Variants in TSC1 observed in about 807,000 individuals in gnomAD.
TSC1 encodes the protein TSC complex subunit 1.
A neutral mutation model predicts 124.3 loss-of-function variants in TSC1; 20 were observed. The observed-to-expected ratio is 0.16, with a 90% CI of 0.11 to 0.23. The LOEUF (loss-of-function observed/expected upper bound fraction) is 0.23. TSC1 is among the 10% of genes least tolerant of loss of function. The pLI, the probability that TSC1 is intolerant of heterozygous loss-of-function variation, is 1.00. For synonymous variants in TSC1, 493 were observed against 539.1 expected (o/e 0.91, Z 1.19); for missense variants, 1,124 against 1,448.5 (o/e 0.78, Z 3.64).
Position 132,923,535 on chromosome 9 carries a change from G to A in TSC1, c.364-43C>T, listed in dbSNP as rs1381423551. 1 of 1,613,540 alleles carries A rather than the reference G, an allele frequency of 6.2e-7. No homozygotes were observed. Among genetic ancestry groups the A allele is most frequent in the East Asian group, 2.2e-5 (1 of 44,890 alleles). ...AAACAGGAAACGTCTGTCAGGCACT[G>A]GCACCAGGATCGGCATTGTACAGTA... On this transcript the variant is annotated intron_variant, in intron 5 of 22. Coordinates refer to ENST00000298552, the MANE Select transcript of TSC1 (RefSeq NM_000368.5). This position sits in a 1 kb window ranked among gnomAD's most constrained non-coding sequence, Gnocchi z 4.2.
chr9:132,912,602 T>C, intron 8 of TSC1, 145 bp from the exon 9 acceptor site: 1 of 851,284 alleles, frequency 1.2e-6, no homozygotes, highest in Admixed American at 2.1e-5. Flanking sequence ...ACAATTCTAG[T>C]ACATAAAGAA....
At position 132,894,150 on chromosome 9, in the gene TSC1, A is replaced by G. The variant is rs781713466; in HGVS notation, c.*2085T>C. 4 of 233,456 alleles carry G rather than the reference A, an allele frequency of 1.7e-5. No homozygotes were observed. Among genetic ancestry groups the G allele is most frequent in the Admixed American group, 1.1e-4 (2 of 17,774 alleles). 14.5% of individuals were successfully genotyped at this position (233,456 alleles called of 1,614,324 possible). A position where few individuals can be genotyped will look rare whatever the true frequency, so the allele number is the denominator to read the frequency against. ...GGACCCTGTGCAGACACGTCCATGG[A>G]GCTTCTAGCACAGGCCTCTCTCCAT... On this transcript the variant is annotated 3_prime_UTR_variant, in exon 23 of 23. Transcript: ENST00000298552.
chr9:132,924,683 T>A (rs1279869505), intron 5 of TSC1: 1 of 152,216 alleles, frequency 6.6e-6, no homozygotes, highest in Non-Finnish European at 1.5e-5. Flanking sequence ...TTCTCACCAA[T>A]CCATTAATTA....
Position 132,921,290 on chromosome 9 carries a change from C to A in TSC1, c.737+73G>T, listed in dbSNP as rs1846536816. Reference sequence around the variant, plus strand: ...ATCTATATTCCCAAATATACCTCAACAGGGATTACCTCCTAGATCACATTT... The same window carrying A: ...ATCTATATTCCCAAATATACCTCAAAAGGGATTACCTCCTAGATCACATTT... On this transcript the variant is annotated intron_variant, in intron 8 of 22. Transcript: ENST00000298552. This position sits in a 1 kb window ranked among gnomAD's most constrained non-coding sequence, Gnocchi z 4.3. The A allele has an allele frequency of 2.0e-6, 3 of 1,496,528 alleles. No homozygotes were observed. The highest frequency in any genetic ancestry group is 2.8e-6 in the Non-Finnish European group (3 of 1,077,884). The allele number at this position is 1,496,528 out of a possible 1,614,324, so 92.7% of individuals were successfully genotyped here.
intron 8 of TSC1, among the ~76,000 whole-genome samples, chr9:132,919,675 A>G (rs1298262685): frequency 3.9e-5 from 6 of 152,214 alleles, no homozygotes; most frequent in African/African-American, 1.2e-4. Context: ...AAGACAAGAT[A>G]CAGGAAATGG....
intron 3 of TSC1, 135 bp downstream of exon 3, chr9:132,928,630 CAT>C (rs1847021447): frequency 9.3e-7 from 1 of 1,070,394 alleles, no homozygotes. Context: ...GTTTAAAACA[CAT>C]ATAGATACTC....
At chr9:132,900,423 C>G (rs1208936882) in intron 20 of TSC1, 4 of 423,126 alleles carry the variant, frequency 9.5e-6, no homozygotes, top group Non-Finnish European at 1.8e-5. Context: ...TTTTCTCTCT[C>G]CCTCTTTGAA....
intron 2 of TSC1, among the ~76,000 whole-genome samples, chr9:132,933,196 G>C (rs571944264): frequency 6.6e-6 from 1 of 152,186 alleles, no homozygotes; most frequent in Non-Finnish European, 1.5e-5. Context: ...CTCCCGAGTA[G>C]CTGAGATTAT....
chr9:132,935,204 GCCA>G (rs1325898388), intron 1 of TSC1, 109 bp from the exon 2 acceptor site: 21 of 396,274 alleles, frequency 5.3e-5, no homozygotes, highest in Admixed American at 2.2e-4. Context: ...CTGACAGGTG[GCCA>G]CCACGTTTCC....
chr9:132,945,005 C>A (rs575298337), upstream of TSC1, among the ~76,000 whole-genome samples: 705 of 152,164 alleles, frequency 4.6e-3, 6 homozygotes, highest in African/African-American at 0.016. Flanking sequence ...GCTGGCGGCG[C>A]CTGGGTGTGG....
Position 132,901,642 on chromosome 9 carries a change from C to A in TSC1, c.2449G>T (p.Ala817Ser), listed in dbSNP as rs1554814652. 2 of 1,614,120 alleles carry A rather than the reference C, an allele frequency of 1.2e-6. No individual in the cohort carries two copies. The highest frequency in any genetic ancestry group is 1.7e-6 in the Non-Finnish European group (2 of 1,180,040). ...TCAGTGTGACACACCTTGTTGTTGG[C>A]CTTCTTCAGTTCTATCCGCAGCTCC... ...IAELRIELKKANNKVCHTELL... is the reference protein window; with the variant it reads ...IAELRIELKKSNNKVCHTELL... The change falls in exon 19 of 23, where the codon GCC becomes TCC. Residue 817 changes from alanine to serine, a missense_variant. Ala to Ser is a moderately conservative substitution (Grantham distance 99). Transcript: ENST00000298552.
chr9:132,911,017 C>A lies in TSC1; in HGVS notation c.1126G>T (p.Val376Phe), dbSNP rs1461609607. 8 of 1,613,984 alleles carry A rather than the reference C, an allele frequency of 5.0e-6. No individual in the cohort carries two copies. The African/African-American group carries it at 1.1e-4, about 22-fold the overall frequency. ...PPDLSHPYSK[V>F]FGTTAGGKGT... is the part of the protein sequence containing the mutation. Reference sequence around the variant, plus strand: ...ACATACATACCAGTTGTACCAAAGACTTTACTGTAAGGGTGTGACAGATCA... The same window carrying A: ...ACATACATACCAGTTGTACCAAAGAATTTACTGTAAGGGTGTGACAGATCA... Residue 376 changes from valine (V) to phenylalanine (F), a missense_variant, in exon 11 of 23, where the codon GTC becomes TTC. By Grantham distance (50) the Val-to-Phe change is conservative (BLOSUM62 -1). Coordinates refer to ENST00000298552, the MANE Select transcript of TSC1 (RefSeq NM_000368.5).
chr9:132,922,100 C>T, intron 6 of TSC1, 127 bp from the exon 7 acceptor site: 2 of 1,142,370 alleles, frequency 1.8e-6, no homozygotes, highest in Admixed American at 2.0e-5. Flanking sequence ...ACTCCAAAGA[C>T]AGGAAGAGTG....
intron 8 of TSC1, among the ~76,000 whole-genome samples, chr9:132,916,088 T>C (rs767815234): frequency 1.3e-5 from 2 of 152,216 alleles, no homozygotes; most frequent in Non-Finnish European, 2.9e-5. Flanking sequence ...CTTACAGTAT[T>C]TCCCTGCTTC....
chr9:132,904,344 G>T, intron 16 of TSC1, 67 bp downstream of exon 16: 4 of 1,576,042 alleles, frequency 2.5e-6, no homozygotes, highest in South Asian at 1.1e-5. Flanking sequence ...CTCCTTCAAG[G>T]ACAGAAAGGG....
At chr9:132,930,870 A>T (rs1328311782) in intron 2 of TSC1, among the ~76,000 whole-genome samples, 2 of 152,226 alleles carry the variant, frequency 1.3e-5, no homozygotes, top group Non-Finnish European at 2.9e-5. Flanking sequence ...TAAATCACAT[A>T]GGAAGTTAAT....
chr9:132,917,919 T>C (rs1846349526), intron 8 of TSC1, among the ~76,000 whole-genome samples: 1 of 152,236 alleles, frequency 6.6e-6, no homozygotes, highest in Non-Finnish European at 1.5e-5. Context: ...TATTTTCTTC[T>C]GCTCTATCAT....
upstream of TSC1, chr9:132,944,683 C>G: frequency 2.5e-6 from 1 of 398,860 alleles, no homozygotes; most frequent in Admixed American, 4.4e-5. Context: ...GAGTCCCCCT[C>G]CGGACCTCCC....
chr9:132,943,008 G>A (rs528149943), intron 1 of TSC1, among the ~76,000 whole-genome samples: 17 of 152,150 alleles, frequency 1.1e-4, no homozygotes, highest in Non-Finnish European at 2.2e-4. Context: ...TTCAATTTAA[G>A]AATCACAGGT....
Sources: allele counts gnomAD v4.1 joint callset (sites outside exome capture counted in the v4.1 genomes callset), GRCh38; gene constraint gnomAD v4.1.1; non-coding constraint Gnocchi (gnomAD v3.1); transcripts MANE v1.5; gene names NCBI Gene and HGNC (gene_info 2026-07-23, HGNC 2026-07-21).